SPPL2A: variants seen among roughly 807,000 people sequenced by gnomAD.
SPPL2A encodes signal peptide peptidase-like 2A.
A neutral mutation model predicts 63.8 loss-of-function variants in SPPL2A; 51 were observed. The observed-to-expected ratio is 0.80, with a 90% CI of 0.64 to 1.01. The LOEUF (loss-of-function observed/expected upper bound fraction) is 1.01. Ranked by LOEUF, SPPL2A falls within the 50% of genes least tolerant of loss-of-function variation. The pLI is 0.00. For missense variants in SPPL2A, 553 were observed against 622.7 expected (o/e 0.89, Z 1.19); for synonymous variants, 188 against 205.8 (o/e 0.91, Z 0.74).
intron 1 of SPPL2A, among the ~76,000 whole-genome samples, chr15:50,763,087 T>C (rs1215756538): frequency 6.6e-6 from 1 of 152,016 alleles, no homozygotes; most frequent in East Asian, 1.9e-4. Context: ...AATGAAATGA[T>C]TGAGCTGGCA....
rs1417615651 is a variant in SPPL2A, at chr15:50,749,756, A to G, written c.67-10T>C. On this transcript the variant is annotated splice_polypyrimidine_tract_variant and intron_variant, in intron 1 of 14. Coordinates refer to ENST00000261854, the MANE Select transcript of SPPL2A (RefSeq NM_032802.4). ...CTTCCTGAGCGGCTGTCTAGGAGAC[A>G]AACAATAACTTTCAAACTTGCAATG... The G allele has an allele frequency of 1.3e-6, 2 of 1,568,274 alleles. No individual in the cohort carries two copies. The highest frequency in any genetic ancestry group is 1.4e-5 in the African/African-American group (1 of 74,028).
chr15:50,761,079 A>G (rs1324285163), intron 1 of SPPL2A, among the ~76,000 whole-genome samples: 1 of 152,010 alleles, frequency 6.6e-6, no homozygotes, highest in Non-Finnish European at 1.5e-5. Flanking sequence ...GCGTGATCAT[A>G]GCTAACTGCA....
chr15:50,744,234 A>G (rs951198756), intron 5 of SPPL2A, among the ~76,000 whole-genome samples: 3 of 152,114 alleles, frequency 2.0e-5, no homozygotes, highest in African/African-American at 7.2e-5. Flanking sequence ...ATGCTTACTC[A>G]TATGAAAGAT....
At chr15:50,758,502 G>A (rs2062980610) in intron 1 of SPPL2A, among the ~76,000 whole-genome samples, 1 of 150,646 alleles carries the variant, frequency 6.6e-6, no homozygotes. Context: ...CCATTTTTTT[G>A]TATTTTTAGT....
At chr15:50,713,399 G>A (rs2062575436) in intron 14 of SPPL2A, among the ~76,000 whole-genome samples, 1 of 151,602 alleles carries the variant, frequency 6.6e-6, no homozygotes, top group Admixed American at 6.6e-5. Flanking sequence ...CGAGTAGCTG[G>A]GACTACAGGC....
chr15:50,726,086 G>A (rs558176101), intron 11 of SPPL2A: 21 of 1,492,742 alleles, frequency 1.4e-5, no homozygotes, highest in African/African-American at 2.8e-5. Flanking sequence ...CTCATGGGGA[G>A]CTGAGGGTTG....
chr15:50,745,545 G>A (rs1477187564), intron 5 of SPPL2A, among the ~76,000 whole-genome samples: 1 of 105,698 alleles, frequency 9.5e-6, no homozygotes, highest in Non-Finnish European at 1.8e-5. Context: ...CACTGCAGCT[G>A]GCCTTTTTTT....
intron 12 of SPPL2A, among the ~76,000 whole-genome samples, chr15:50,722,800 G>A (rs2141027418): frequency 6.6e-6 from 1 of 152,190 alleles, no homozygotes; most frequent in East Asian, 1.9e-4. Flanking sequence ...ATATTGAACA[G>A]ACAAATGGGT....
intron 14 of SPPL2A, among the ~76,000 whole-genome samples, chr15:50,708,441 C>T (rs563055472): frequency 6.6e-6 from 1 of 152,258 alleles, no homozygotes; most frequent in South Asian, 2.1e-4. Flanking sequence ...GGCGCAGTGG[C>T]TCACACCTGT....
chr15:50,724,470 C>T (rs2062671132), intron 12 of SPPL2A, among the ~76,000 whole-genome samples: 1 of 151,762 alleles, frequency 6.6e-6, no homozygotes, highest in Non-Finnish European at 1.5e-5. Flanking sequence ...CCCAGTTACT[C>T]AGGAGGCTGA....
intron 14 of SPPL2A, among the ~76,000 whole-genome samples, chr15:50,711,418 C>T (rs1424188118): frequency 6.6e-6 from 1 of 151,968 alleles, no homozygotes; most frequent in African/African-American, 2.4e-5. Flanking sequence ...ACTATGTTGG[C>T]CAGGCTGGTC....
intron 1 of SPPL2A, among the ~76,000 whole-genome samples, chr15:50,756,983 GC>G (rs1295740243): frequency 2.0e-5 from 3 of 151,934 alleles, no homozygotes; most frequent in Admixed American, 6.6e-5. Context: ...ATATTTCTCT[GC>G]ATTCGCTGTT....
chr15:50,727,198 G>C (rs2062693897), intron 10 of SPPL2A, among the ~76,000 whole-genome samples: 1 of 152,180 alleles, frequency 6.6e-6, no homozygotes, highest in Non-Finnish European at 1.5e-5. Context: ...GTACAGGGAA[G>C]ATAAACAAAT....
intron 5 of SPPL2A, among the ~76,000 whole-genome samples, chr15:50,740,375 T>C: frequency 7.5e-6 from 1 of 133,436 alleles, no homozygotes; most frequent in Non-Finnish European, 1.5e-5. Context: ...TGTGGTGACC[T>C]GAGATCGTGC....
At chr15:50,740,865 C>T (rs564069136) in intron 5 of SPPL2A, among the ~76,000 whole-genome samples, 94 of 152,260 alleles carry the variant, frequency 6.2e-4, no homozygotes, top group African/African-American at 2.1e-3. Flanking sequence ...ACCTCAGCCT[C>T]CCAAAATGCT....
In SPPL2A at chr15:50,736,753, A is replaced by G. The variant is rs776373215; in HGVS notation, c.734-13T>C. 1 of 1,356,996 alleles carries G rather than the reference A, an allele frequency of 7.4e-7. No homozygotes were observed. Among genetic ancestry groups the G allele is most frequent in the Non-Finnish European group, 1.1e-6 (1 of 947,174 alleles). The allele number at this position is 1,356,996 out of a possible 1,614,324, so 84.1% of individuals were successfully genotyped here. On this transcript the variant is annotated splice_polypyrimidine_tract_variant and intron_variant, in intron 6 of 14. Transcript: ENST00000261854. ...ATCATAACATAAACTGAAAAAAACAAAACACTAAATTACATGAGAACAGAA... is the reference window on the plus strand; with the variant it reads ...ATCATAACATAAACTGAAAAAAACAGAACACTAAATTACATGAGAACAGAA...
At chr15:50,739,864 C>G in intron 5 of SPPL2A, 36 bp from the exon 6 acceptor site, 1 of 1,513,216 alleles carries the variant, frequency 6.6e-7, no homozygotes, top group Non-Finnish European at 8.8e-7. Flanking sequence ...CAAATCTTAG[C>G]CAAGTACAGT....
rs79172463 is a variant in SPPL2A at position 50,731,127 on chromosome 15, T to C, written c.1015-88A>G. ...TGTTTTTCAAGTGCAAATAAATATATGAATATACATTTAAATATTACTTTT... is the reference window on the plus strand; with the variant it reads ...TGTTTTTCAAGTGCAAATAAATATACGAATATACATTTAAATATTACTTTT... On this transcript the variant is annotated intron_variant, in intron 9 of 14. Coordinates refer to ENST00000261854, the MANE Select transcript of SPPL2A (RefSeq NM_032802.4). 2,137 of 611,148 alleles carry C rather than the reference T, an allele frequency of 3.5e-3. 48 individuals are homozygous for C. The African/African-American group carries it at 0.035, about 10-fold the overall frequency. 37.9% of individuals were successfully genotyped at this position (611,148 alleles called of 1,614,324 possible). A position where few individuals can be genotyped will look rare whatever the true frequency, so the allele number is the denominator to read the frequency against.
rs1302189596 is a variant in SPPL2A, at chr15:50,707,761, T to C, written c.*39A>G. On this transcript the variant is annotated 3_prime_UTR_variant, in exon 15 of 15. Transcript: ENST00000261854. Reference sequence around the variant, plus strand: ...AATTTAAAAAGTCGAAGTCTATTTGTAGAAAATCAATGACACATTATAGCA... The same window carrying C: ...AATTTAAAAAGTCGAAGTCTATTTGCAGAAAATCAATGACACATTATAGCA... The C allele has an allele frequency of 2.8e-6, 3 of 1,052,736 alleles. No homozygotes were observed. Among genetic ancestry groups the C allele is most frequent in the Admixed American group, 1.9e-5 (1 of 53,438 alleles). 65.2% of individuals were successfully genotyped at this position (1,052,736 alleles called of 1,614,324 possible). A position where few individuals can be genotyped will look rare whatever the true frequency, so the allele number is the denominator to read the frequency against.
Sources: gnomAD v4.1 joint callset for allele counts (sites outside exome capture counted in the v4.1 genomes callset) on GRCh38, gnomAD v4.1.1 for gene constraint, MANE v1.5 for transcripts, NCBI Gene and HGNC (gene_info 2026-07-23, HGNC 2026-07-21) for gene names.